Variants in JMJD1C observed in about 807,000 individuals in gnomAD.
The protein encoded by JMJD1C is jumonji domain containing 1C.
In JMJD1C, 31 loss-of-function variants were observed where a neutral mutation model predicts 245.3. The observed-to-expected ratio is 0.13, with a 90% confidence interval of 0.09 to 0.17. The LOEUF (loss-of-function observed/expected upper bound fraction) is 0.17. Ranked by LOEUF, JMJD1C falls within the 10% of genes least tolerant of loss-of-function variation. JMJD1C has a pLI of 1.00. For missense variants in JMJD1C, 2,691 were observed against 3,000.2 expected, an observed-to-expected ratio of 0.90 and a Z score of 2.41; for synonymous variants, 1,057 against 1,017.4, an observed-to-expected ratio of 1.04 and a Z score of -0.74.
intron 2 of JMJD1C, among the ~76,000 whole-genome samples, chr10:63,326,116 G>A (rs1285843783): frequency 6.6e-6 from 1 of 152,146 alleles, no homozygotes; most frequent in East Asian, 1.9e-4. Flanking sequence ...ATGAATAGGT[G>A]ACAAATAAGA....
At chr10:63,229,020 A>C (rs1056159885) in intron 3 of JMJD1C, among the ~76,000 whole-genome samples, 2 of 152,188 alleles carry the variant, frequency 1.3e-5, no homozygotes, top group Non-Finnish European at 2.9e-5. Flanking sequence ...GCTCTCAAGT[A>C]AAGTAAAAAT....
At chr10:63,485,013 A>C (rs1313482938) in intron 1 of JMJD1C, among the ~76,000 whole-genome samples, 1 of 151,954 alleles carries the variant, frequency 6.6e-6, no homozygotes, top group Non-Finnish European at 1.5e-5. Flanking sequence ...GTTTAAAAAA[A>C]AAAGAAATCC....
intron 2 of JMJD1C, among the ~76,000 whole-genome samples, chr10:63,348,205 CAAAAA>C (rs35674300): frequency 2.3e-5 from 3 of 129,924 alleles, no homozygotes; most frequent in Non-Finnish European, 3.3e-5. Flanking sequence ...GACTTCATCT[CAAAAA>C]AAAAAAAAAA....
chr10:63,425,144 T>A (rs916353074), intron 1 of JMJD1C, among the ~76,000 whole-genome samples: 7 of 152,196 alleles, frequency 4.6e-5, no homozygotes, highest in Admixed American at 3.9e-4. Flanking sequence ...GTGGAAAAGA[T>A]GGGAACCCTG....
At chr10:63,233,717 T>C (rs562495537) in intron 3 of JMJD1C, among the ~76,000 whole-genome samples, 2 of 139,202 alleles carry the variant, frequency 1.4e-5, no homozygotes, top group African/African-American at 3.0e-5. Flanking sequence ...TATCTCCATA[T>C]ATACATATTA....
At chr10:63,482,687 G>C (rs1267775339) in intron 1 of JMJD1C, among the ~76,000 whole-genome samples, 1 of 152,084 alleles carries the variant, frequency 6.6e-6, no homozygotes, top group Non-Finnish European at 1.5e-5. Flanking sequence ...GAGCTACATT[G>C]CCTGACTTCT....
At chr10:63,476,199 G>C (rs1173412189) in intron 1 of JMJD1C, among the ~76,000 whole-genome samples, 1 of 149,744 alleles carries the variant, frequency 6.7e-6, no homozygotes, top group African/African-American at 2.5e-5. Context: ...GACAGAATGA[G>C]ATTTTGTCTA....
chr10:63,319,254 CT>C (rs1940528750), intron 2 of JMJD1C, among the ~76,000 whole-genome samples: 3 of 67,404 alleles, frequency 4.5e-5, no homozygotes, highest in South Asian at 7.4e-4. Flanking sequence ...GAGACTCCAT[CT>C]AAAAAAAAAA....
At chr10:63,309,355 G>A (rs1340807903) in intron 2 of JMJD1C, among the ~76,000 whole-genome samples, 5 of 151,448 alleles carry the variant, frequency 3.3e-5, no homozygotes, top group Admixed American at 6.6e-5. Flanking sequence ...TTAACCAGGC[G>A]TGGTGGCAGG....
At chr10:63,472,694 A>G (rs1378599228) in intron 1 of JMJD1C, among the ~76,000 whole-genome samples, 1 of 152,164 alleles carries the variant, frequency 6.6e-6, no homozygotes, top group Non-Finnish European at 1.5e-5. Context: ...ATGCTAATAT[A>G]TTTATGTTGC....
At chr10:63,308,087 G>A (rs1244657950) in intron 2 of JMJD1C, among the ~76,000 whole-genome samples, 2 of 152,012 alleles carry the variant, frequency 1.3e-5, no homozygotes, top group Non-Finnish European at 2.9e-5. Context: ...GTAGGTGAAG[G>A]CTGCAGTGAG....
chr10:63,482,681 T>A (rs1953866834), intron 1 of JMJD1C, among the ~76,000 whole-genome samples: 1 of 152,118 alleles, frequency 6.6e-6, no homozygotes, highest in South Asian at 2.1e-4. Flanking sequence ...AAACTTGAGC[T>A]ACATTGCCTG....
intron 3 of JMJD1C, among the ~76,000 whole-genome samples, chr10:63,253,921 T>C (rs542413037): frequency 6.6e-5 from 10 of 152,292 alleles, no homozygotes; most frequent in African/African-American, 2.4e-4. Context: ...GTTTCCCCCA[T>C]TAAATTCTAG....
chr10:63,416,640 A>G (rs1173927816), intron 1 of JMJD1C, among the ~76,000 whole-genome samples: 2 of 152,200 alleles, frequency 1.3e-5, no homozygotes, highest in Non-Finnish European at 2.9e-5. Context: ...ATGGAATTAT[A>G]CAATTCTCCT....
chr10:63,305,503 AGGT>A (rs1655832654), intron 2 of JMJD1C, among the ~76,000 whole-genome samples: 1 of 108,120 alleles, frequency 9.2e-6, no homozygotes, highest in Non-Finnish European at 2.0e-5. Context: ...TCTGGAGGCA[AGGT>A]CTGACCCTCT....
chr10:63,343,388 A>C (rs566820512), intron 2 of JMJD1C, among the ~76,000 whole-genome samples: 19 of 151,952 alleles, frequency 1.3e-4, no homozygotes, highest in South Asian at 2.1e-4. Flanking sequence ...AAAAAAAAAA[A>C]CAGATTTTAA....
chr10:63,191,149 T>G (rs1213681933), intron 16 of JMJD1C, 41 bp from the exon 17 acceptor site: 1 of 1,520,956 alleles, frequency 6.6e-7, no homozygotes, highest in African/African-American at 1.4e-5. Context: ...TGTTTTGTTT[T>G]GAGACGGAGT....
chr10:63,512,544 GAGA>G (rs1420489588), intron 1 of JMJD1C, among the ~76,000 whole-genome samples: 1 of 152,060 alleles, frequency 6.6e-6, no homozygotes, highest in Non-Finnish European at 1.5e-5. Flanking sequence ...CATGATTTCT[GAGA>G]AGTTGGATGT....
At chr10:63,508,786 C>T (rs1017548840) in intron 1 of JMJD1C, among the ~76,000 whole-genome samples, 3 of 152,164 alleles carry the variant, frequency 2.0e-5, no homozygotes, top group African/African-American at 7.2e-5. Flanking sequence ...TTGTTCACTG[C>T]TGGCAATAAG....
Sources: gnomAD v4.1 joint callset for allele counts (sites outside exome capture counted in the v4.1 genomes callset) on GRCh38, gnomAD v4.1.1 for gene constraint, MANE v1.5 for transcripts, NCBI Gene and HGNC (gene_info 2026-07-23, HGNC 2026-07-21) for gene names.